Variants in GFRA1 observed in about 807,000 individuals in gnomAD.
GFRA1 encodes the protein GDNF family receptor alpha-1.
A neutral mutation model predicts 51.6 loss-of-function variants in GFRA1; 16 were observed. The observed-to-expected ratio is 0.31, with a 90% confidence interval of 0.21 to 0.47. The LOEUF (loss-of-function observed/expected upper bound fraction) is 0.47. Among genes scored for constraint, GFRA1 ranks in the 20% least tolerant of loss-of-function variants. The probability of loss-of-function intolerance (pLI) is 1.00; values close to 1 mark genes in which losing one functional copy is unlikely to be tolerated. For missense variants in GFRA1, 530 were observed against 594.3 expected, an observed-to-expected ratio of 0.89 and a Z score of 1.13; for synonymous variants, 270 against 241.3, an observed-to-expected ratio of 1.12 and a Z score of -1.10.
intron 4 of GFRA1, among the ~76,000 whole-genome samples, chr10:116,230,715 GAC>G (rs5788144): frequency 0.019 from 2,800 of 150,502 alleles, 43 homozygotes; most frequent in South Asian, 0.041. Context: ...CATGTGGACA[GAC>G]ACACACACAC....
chr10:116,110,349 A>T (rs184163835), intron 6 of GFRA1, among the ~76,000 whole-genome samples: 2 of 152,212 alleles, frequency 1.3e-5, no homozygotes, highest in East Asian at 3.9e-4. Flanking sequence ...TGTGTTTTAC[A>T]TGCAGGGAGA....
At chr10:116,198,911 C>T (rs1172699962) in intron 5 of GFRA1, among the ~76,000 whole-genome samples, 1 of 152,110 alleles carries the variant, frequency 6.6e-6, no homozygotes, top group Non-Finnish European at 1.5e-5. Flanking sequence ...TTAGGGTAAG[C>T]CCTAAATCCC....
At position 116,060,950 on chromosome 10, in the gene GFRA1, C is replaced by G. The variant is rs1954783282; in HGVS notation, c.*3448G>C. ...AATTCGCTAATTATATAAACTCCCA[C>G]TGCTCTTACATCTCTTTTCCCAGGC... On this transcript the variant is annotated 3_prime_UTR_variant, in exon 11 of 11. Transcript: ENST00000355422. The G allele has an allele frequency of 2.6e-5, 4 of 152,204 alleles. No individual in the cohort carries two copies. The highest frequency in any genetic ancestry group is 2.6e-4 in the Admixed American group (4 of 15,286). The allele number at this position is 152,204 out of a possible 1,614,324, so 9.4% of individuals were successfully genotyped here.
At chr10:116,121,250 A>G (rs1957629017) in intron 6 of GFRA1, among the ~76,000 whole-genome samples, 1 of 152,178 alleles carries the variant, frequency 6.6e-6, no homozygotes, top group Non-Finnish European at 1.5e-5. Flanking sequence ...CCTTCCAGGC[A>G]CTAAGAAAAG....
chr10:116,266,936 CATT>C (rs1373343083), intron 4 of GFRA1, among the ~76,000 whole-genome samples: 3 of 152,138 alleles, frequency 2.0e-5, no homozygotes, highest in Non-Finnish European at 4.4e-5. Context: ...CCAATTGCCT[CATT>C]ATACAAATGA....
intron 9 of GFRA1, among the ~76,000 whole-genome samples, chr10:116,071,663 G>A (rs1589762876): frequency 1.3e-5 from 2 of 152,276 alleles, no homozygotes; most frequent in South Asian, 4.1e-4. Context: ...AATTTAGTTT[G>A]AGCTTAGTGC....
chr10:116,102,532 T>TAAAG (rs1343842501), intron 6 of GFRA1, among the ~76,000 whole-genome samples: 39 of 152,096 alleles, frequency 2.6e-4, no homozygotes, highest in African/African-American at 9.4e-4. Context: ...GGATAATCTA[T>TAAAG]AAAGAAAAAG....
chr10:116,205,010 C>G (rs1474207504), intron 5 of GFRA1, among the ~76,000 whole-genome samples: 1 of 152,164 alleles, frequency 6.6e-6, no homozygotes, highest in Non-Finnish European at 1.5e-5. Context: ...TGTCATAAAT[C>G]ACATTGATAG....
chr10:116,141,521 G>C (rs572877991), intron 5 of GFRA1, among the ~76,000 whole-genome samples: 2 of 152,162 alleles, frequency 1.3e-5, no homozygotes, highest in Non-Finnish European at 2.9e-5. Context: ...AAACCGAGGG[G>C]GTTGGGGGAG....
At chr10:116,183,850 C>T (rs1219405971) in intron 5 of GFRA1, among the ~76,000 whole-genome samples, 1 of 152,196 alleles carries the variant, frequency 6.6e-6, no homozygotes, top group Non-Finnish European at 1.5e-5. Context: ...TGTTTGGTCC[C>T]TCTCATTATC....
At chr10:116,179,991 A>G (rs758961590) in intron 5 of GFRA1, among the ~76,000 whole-genome samples, 53 of 152,150 alleles carry the variant, frequency 3.5e-4, no homozygotes, top group Non-Finnish European at 6.9e-4. Context: ...AGCAAAGGAG[A>G]TATTTTGTTT....
Position 116,093,813 on chromosome 10 carries a change from T to C in GFRA1, c.904A>G (p.Ile302Val). Reference protein sequence around the residue: ...LIGTVMTPNYIDSSSLSVAPW... With the variant: ...LIGTVMTPNYVDSSSLSVAPW... ...GCCACACTGAGGCTACTGGAGTCTA[T>C]GTAGTTGGGGGTCATGACTGTGCCT... Residue 302 changes from isoleucine (I) to valine (V), a missense_variant, in exon 8 of 11, where the codon ATA becomes GTA. Ile to Val is a conservative substitution (Grantham distance 29). Coordinates refer to ENST00000355422, the MANE Select transcript of GFRA1 (RefSeq NM_005264.8). 1.2e-6 allele frequency: 2 copies of C among 1,614,048 alleles called. No homozygotes were observed. The highest frequency in any genetic ancestry group is 1.1e-5 in the South Asian group (1 of 91,078).
intron 9 of GFRA1, among the ~76,000 whole-genome samples, chr10:116,083,698 T>C (rs1430021355): frequency 6.6e-6 from 1 of 152,174 alleles, no homozygotes; most frequent in Non-Finnish European, 1.5e-5. Flanking sequence ...CATCTAGACT[T>C]TGGGGGTTTG....
At chr10:116,114,557 T>A (rs989961538) in intron 6 of GFRA1, among the ~76,000 whole-genome samples, 1 of 152,052 alleles carries the variant, frequency 6.6e-6, no homozygotes, top group South Asian at 2.1e-4. Flanking sequence ...AATCCTACTT[T>A]AATTTTTATT....
At chr10:116,252,016 G>C (rs1268911107) in intron 4 of GFRA1, among the ~76,000 whole-genome samples, 1 of 113,064 alleles carries the variant, frequency 8.8e-6, no homozygotes, top group Non-Finnish European at 1.7e-5. Context: ...AAAACCCTGA[G>C]TAAAAATTTT....
intron 4 of GFRA1, among the ~76,000 whole-genome samples, chr10:116,225,321 G>A (rs921458866): frequency 2.6e-5 from 4 of 151,890 alleles, no homozygotes; most frequent in East Asian, 2.0e-4. Flanking sequence ...CGGATCACGA[G>A]GTCATCAGAT....
chr10:116,094,371 T>C (rs901510149), intron 7 of GFRA1, among the ~76,000 whole-genome samples: 4 of 152,152 alleles, frequency 2.6e-5, no homozygotes, highest in Admixed American at 2.6e-4. Flanking sequence ...AAATAAAGTC[T>C]TCCACGTAGT....
intron 4 of GFRA1, among the ~76,000 whole-genome samples, chr10:116,252,593 A>G (rs1968476683): frequency 6.6e-6 from 1 of 152,154 alleles, no homozygotes; most frequent in South Asian, 2.1e-4. Context: ...CAGTCTCCAG[A>G]GAGCAGCCAC....
chr10:116,103,810 G>A (rs1417954222), intron 6 of GFRA1, among the ~76,000 whole-genome samples: 1 of 152,134 alleles, frequency 6.6e-6, no homozygotes, highest in East Asian at 1.9e-4. Flanking sequence ...TTCTCCCTCA[G>A]TCTGCTGTAA....
Sources: gnomAD v4.1 joint callset for allele counts (sites outside exome capture counted in the v4.1 genomes callset) on GRCh38, gnomAD v4.1.1 for gene constraint, MANE v1.5 for transcripts, NCBI Gene and HGNC (gene_info 2026-07-23, HGNC 2026-07-21) for gene names.